TRIM59: variants seen among roughly 807,000 people sequenced by gnomAD.
TRIM59 encodes the protein tripartite motif-containing protein 59.
Under a neutral mutation model 32.2 loss-of-function variants are expected in TRIM59, and 14 were observed. That is an observed-to-expected ratio of 0.43 (90% CI 0.29 to 0.68). TRIM59 has a LOEUF of 0.68. TRIM59 is among the 30% of genes least tolerant of loss of function. The probability of loss-of-function intolerance (pLI) is 0.15; values close to 1 mark genes in which losing one functional copy is unlikely to be tolerated. For missense variants in TRIM59, 471 were observed against 463.3 expected (o/e 1.02, Z -0.15); for synonymous variants, 163 against 155.1 (o/e 1.05, Z -0.38).
intron 2 of TRIM59, among the ~76,000 whole-genome samples, chr3:160,446,717 C>T (rs1719550133): frequency 1.3e-5 from 2 of 152,168 alleles, no homozygotes; most frequent in African/African-American, 4.8e-5. Context: ...TGGTGGCGGG[C>T]AAGCCCACCT....
chr3:160,445,457 T>C (rs1303170519), intron 2 of TRIM59, among the ~76,000 whole-genome samples: 2 of 151,648 alleles, frequency 1.3e-5, no homozygotes, highest in African/African-American at 2.4e-5. Flanking sequence ...AAATGGAAGA[T>C]GATAATGAAC....
Position 160,437,851 on chromosome 3 carries a change from AACATTTGTTTATAT to A in TRIM59, c.*107_*120del. ...CTAACCAAAAGAAGCAACAAATATA[AACATTTGTTTATAT>A]TAGTTGCAGCACTAATAAAGCTTAG... On this transcript the variant is annotated 3_prime_UTR_variant, in exon 3 of 3. Coordinates refer to ENST00000309784, the MANE Select transcript of TRIM59 (RefSeq NM_173084.3). 1.5e-6 allele frequency: 2 copies of A among 1,310,912 alleles called. No individual in the cohort carries two copies. The highest frequency in any genetic ancestry group is 1.9e-6 in the Non-Finnish European group (2 of 1,029,124). 81.2% of individuals were successfully genotyped at this position (1,310,912 alleles called of 1,614,324 possible). A position where few individuals can be genotyped will look rare whatever the true frequency, so the allele number is the denominator to read the frequency against.
Position 160,436,114 on chromosome 3 carries a change from A to C in TRIM59, c.*1858T>G. On this transcript the variant is annotated 3_prime_UTR_variant, in exon 3 of 3. Transcript: ENST00000309784. ...TGCCCTTTAAATGTTCTTTGCCCACACAATAGTTAATTGTGCTAGGTATAA... is the reference window on the plus strand; with the variant it reads ...TGCCCTTTAAATGTTCTTTGCCCACCCAATAGTTAATTGTGCTAGGTATAA... The C allele has an allele frequency of 9.2e-7, 1 of 1,090,974 alleles. No homozygotes were observed. Among genetic ancestry groups the C allele is most frequent in the Non-Finnish European group, 1.1e-6 (1 of 889,636 alleles). 67.6% of individuals were successfully genotyped at this position (1,090,974 alleles called of 1,614,324 possible). A position where few individuals can be genotyped will look rare whatever the true frequency, so the allele number is the denominator to read the frequency against.
intron 2 of TRIM59, among the ~76,000 whole-genome samples, chr3:160,445,497 G>A (rs550875942): frequency 6.6e-6 from 1 of 152,116 alleles, no homozygotes; most frequent in Non-Finnish European, 1.5e-5. Context: ...GAACTGGCTG[G>A]GCACTGTGGC....
At chr3:160,446,784 C>A (rs1340850816) in intron 2 of TRIM59, among the ~76,000 whole-genome samples, 1 of 152,216 alleles carries the variant, frequency 6.6e-6, no homozygotes, top group African/African-American at 2.4e-5. Context: ...GCATTAGATT[C>A]TCATAACAGC....
chr3:160,436,168 T>C lies in TRIM59; in HGVS notation c.*1804A>G. ...TGATTCTAATAATAAATTGATATAA[T>C]ACAGTCATCTTAGTGTTAAGACTTA... On this transcript the variant is annotated 3_prime_UTR_variant, in exon 3 of 3. Transcript: ENST00000309784. 8 of 1,021,510 alleles carry C rather than the reference T, an allele frequency of 7.8e-6. No individual in the cohort carries two copies. The highest frequency in any genetic ancestry group is 8.2e-6 in the Non-Finnish European group (7 of 850,856). The allele number at this position is 1,021,510 out of a possible 1,614,324, so 63.3% of individuals were successfully genotyped here.
rs1360090757 is a variant in TRIM59 at position 160,448,602 on chromosome 3, T to G, written c.-4+124A>C. ...CGCTCCTTCGATAAAATGGTTGGAG[T>G]TTTATACACCGCCAACACAATGTTT... is the stretch of plus-strand genomic sequence containing the variant. On this transcript the variant is annotated intron_variant, in intron 2 of 2. Coordinates refer to ENST00000309784, the MANE Select transcript of TRIM59 (RefSeq NM_173084.3). 3 of 501,448 alleles carry G rather than the reference T, an allele frequency of 6.0e-6. No individual in the cohort carries two copies. In the African/African-American group the frequency reaches 6.1e-5, roughly 10 times the overall value. The allele number at this position is 501,448 out of a possible 1,614,324, so 31.1% of individuals were successfully genotyped here.
chr3:160,438,228 T>C lies in TRIM59; in HGVS notation c.956A>G (p.Lys319Arg). ...TAAAAATTCAACTTCCTTTTCATCC[T>C]TACCAGGCCAGGAACATGACATCCT... The part of the protein sequence containing the change: ...PKRMSCSWPG[K>R]DEKEVEFLKI... The change falls in exon 3 of 3, where the codon AAG becomes AGG. Residue 319 changes from lysine (K) to arginine (R), a missense_variant. Transcript: ENST00000309784. 6.2e-7 allele frequency: 1 copy of C among 1,613,728 alleles called. No homozygotes were observed. The highest frequency in any genetic ancestry group is 8.5e-7 in the Non-Finnish European group (1 of 1,179,952).
Sources: gnomAD v4.1 joint callset for allele counts (sites outside exome capture counted in the v4.1 genomes callset) on GRCh38, gnomAD v4.1.1 for gene constraint, MANE v1.5 for transcripts, NCBI Gene and HGNC (gene_info 2026-07-23, HGNC 2026-07-21) for gene names.